WASHC4: variants seen among roughly 807,000 people sequenced by gnomAD.
WASHC4 encodes the protein WASH complex subunit 7.
In WASHC4, 86 loss-of-function variants were observed where a neutral mutation model predicts 166.6. The observed-to-expected ratio is 0.52, with a 90% CI of 0.43 to 0.62. The LOEUF is 0.62. Ranked by LOEUF, WASHC4 falls within the 20% of genes least tolerant of loss-of-function variation. WASHC4 has a pLI of 0.00. For synonymous variants in WASHC4, 446 were observed against 451.6 expected (o/e 0.99, Z 0.16); for missense variants, 1,262 against 1,382.4 (o/e 0.91, Z 1.38).
chr12:105,143,790 A>C (rs1883061463), intron 20 of WASHC4, among the ~76,000 whole-genome samples: 1 of 152,020 alleles, frequency 6.6e-6, no homozygotes, highest in Non-Finnish European at 1.5e-5. Context: ...ATTTCACAAT[A>C]TAATCCTACC....
intron 1 of WASHC4, among the ~76,000 whole-genome samples, chr12:105,110,254 C>T (rs1879539616): frequency 6.6e-6 from 1 of 152,196 alleles, no homozygotes; most frequent in Admixed American, 6.5e-5. Context: ...CACACTTTCT[C>T]TTACTTGCTT....
At chr12:105,131,318 C>T (rs1881799315) in intron 13 of WASHC4, among the ~76,000 whole-genome samples, 1 of 151,170 alleles carries the variant, frequency 6.6e-6, no homozygotes, top group Non-Finnish European at 1.5e-5. Flanking sequence ...GATCTCCTGA[C>T]CTCATGATCC....
At chr12:105,146,087 G>A (rs1485998344) in intron 22 of WASHC4, among the ~76,000 whole-genome samples, 1 of 152,146 alleles carries the variant, frequency 6.6e-6, no homozygotes, top group Non-Finnish European at 1.5e-5. Flanking sequence ...GAATGTCACA[G>A]CACATTCTGA....
chr12:105,107,931 G>A, intron 1 of WASHC4, 70 bp downstream of exon 1: 1 of 1,199,646 alleles, frequency 8.3e-7, no homozygotes, highest in Non-Finnish European at 1.2e-6. Flanking sequence ...GGGCTGGGCA[G>A]CGCTCCTGCG....
chr12:105,139,318 G>T (rs1290613070), intron 15 of WASHC4, among the ~76,000 whole-genome samples: 5 of 150,836 alleles, frequency 3.3e-5, no homozygotes, highest in Non-Finnish European at 5.9e-5. Context: ...TTTTTGTAAG[G>T]AATTATATAC....
At position 105,115,814 on chromosome 12, in the gene WASHC4, A is replaced by G. The variant is rs146206580; in HGVS notation, c.435+86A>G. 3.8e-4 allele frequency: 313 copies of G among 830,754 alleles called. 1 individual carries two copies. The African/African-American group carries it at 4.8e-3, about 13-fold the overall frequency. 51.5% of individuals were successfully genotyped at this position (830,754 alleles called of 1,614,324 possible). ...CACGTAAAAAGTTCTGAAACCTTCA[A>G]ATACTAAAGATGTGTACTCTGAGGA... On this transcript the variant is annotated intron_variant, in intron 6 of 32. Coordinates refer to ENST00000332180, the MANE Select transcript of WASHC4 (RefSeq NM_015275.3).
In WASHC4 at chr12:105,140,925, C is replaced by T; in HGVS notation, c.1587C>T (p.Tyr529=). Residue 529 remains tyrosine (Y), a synonymous_variant, in exon 17 of 33, where the codon TAC becomes TAT. Transcript: ENST00000332180. ...AAAGAGTGATTTCTGACAAAAAATACAGCGAACAGCGTCTTGATGTGCTCT... is the reference window on the plus strand; with the variant it reads ...AAAGAGTGATTTCTGACAAAAAATATAGCGAACAGCGTCTTGATGTGCTCT... ...AKKRVISDKK[Y]SEQRLDVLSA... is the part of the protein sequence containing the mutation. 6.2e-7 allele frequency: 1 copy of T among 1,613,984 alleles called. No individual in the cohort carries two copies. Among genetic ancestry groups the T allele is most frequent in the Non-Finnish European group, 8.5e-7 (1 of 1,179,942 alleles).
chr12:105,108,576 C>G (rs1248640427), intron 1 of WASHC4, among the ~76,000 whole-genome samples: 1 of 152,158 alleles, frequency 6.6e-6, no homozygotes, highest in African/African-American at 2.4e-5. Flanking sequence ...AGAAGTCTAT[C>G]CCGAAATAAA....
intron 9 of WASHC4, 54 bp downstream of exon 9, chr12:105,121,258 G>A (rs1880714385): frequency 3.5e-6 from 4 of 1,130,056 alleles, no homozygotes; most frequent in Non-Finnish European, 5.3e-6. Flanking sequence ...ATGTATTTGT[G>A]TTAGTAAAAA....
At position 105,164,241 on chromosome 12, in the gene WASHC4, C is replaced by G. The variant is rs143138958; in HGVS notation, c.3288C>G (p.Ala1096=). The G allele has an allele frequency of 4.8e-3, 7,770 of 1,614,010 alleles. 19 individuals are homozygous for G. Among genetic ancestry groups the G allele is most frequent in the Non-Finnish European group, 5.3e-3 (6,288 of 1,179,914 alleles). Residue 1096 remains alanine, a synonymous_variant, in exon 31 of 33, where the codon GCC becomes GCG. Transcript: ENST00000332180. ...AVAKQQNVQS[A]SQDEKLLQTM... is the part of the protein sequence containing the mutation. ...CTAAGCAACAGAATGTACAGTCAGC[C>G]AGTCAAGATGAAAAACTCTTACAAA...
At chr12:105,114,188 G>T (rs757952127) in intron 2 of WASHC4, 28 bp from the exon 3 acceptor site, 1 of 1,596,152 alleles carries the variant, frequency 6.3e-7, no homozygotes, top group South Asian at 1.1e-5. Flanking sequence ...CAAATTAAAA[G>T]AAATGTTCTT....
chr12:105,131,541 G>C (rs1881823084), intron 13 of WASHC4, among the ~76,000 whole-genome samples: 1 of 152,188 alleles, frequency 6.6e-6, no homozygotes, highest in Non-Finnish European at 1.5e-5. Context: ...CTTCTTCATA[G>C]TGTTATTGAC....
intron 1 of WASHC4, among the ~76,000 whole-genome samples, chr12:105,110,604 T>C (rs1401457708): frequency 6.6e-6 from 1 of 152,226 alleles, no homozygotes; most frequent in Non-Finnish European, 1.5e-5. Context: ...TTAGACATTA[T>C]AGAAATAATA....
At chr12:105,132,161 A>G (rs1445180255) in intron 13 of WASHC4, among the ~76,000 whole-genome samples, 1 of 152,056 alleles carries the variant, frequency 6.6e-6, no homozygotes, top group Non-Finnish European at 1.5e-5. Flanking sequence ...TTTGCATACT[A>G]AGTTTTTGTT....
At chr12:105,124,807 C>CA (rs1881124277) in intron 10 of WASHC4, among the ~76,000 whole-genome samples, 1 of 152,122 alleles carries the variant, frequency 6.6e-6, no homozygotes, top group Non-Finnish European at 1.5e-5. Flanking sequence ...CAACCCTTAA[C>CA]AAGTCTGTTT....
chr12:105,139,301 G>A (rs1324271426), intron 15 of WASHC4, among the ~76,000 whole-genome samples: 4 of 151,402 alleles, frequency 2.6e-5, no homozygotes, highest in Non-Finnish European at 5.9e-5. Flanking sequence ...GTGTACTTGT[G>A]CAGGAGTTTT....
At chr12:105,129,693 A>G (rs1460610078) in intron 13 of WASHC4, among the ~76,000 whole-genome samples, 1 of 152,198 alleles carries the variant, frequency 6.6e-6, no homozygotes, top group African/African-American at 2.4e-5. Context: ...TAAAAGAGAA[A>G]TCTGTGGAAT....
chr12:105,115,586 T>A, intron 5 of WASHC4, 75 bp from the exon 6 acceptor site: 1 of 1,108,042 alleles, frequency 9.0e-7, no homozygotes, highest in Non-Finnish European at 1.4e-6. Context: ...AAAAAAAAAC[T>A]TTTCCCCCTT....
At chr12:105,137,634 T>G (rs533319413) in intron 14 of WASHC4, among the ~76,000 whole-genome samples, 1 of 152,310 alleles carries the variant, frequency 6.6e-6, no homozygotes, top group South Asian at 2.1e-4. Context: ...AATTATACAC[T>G]ATTATTTTGA....
Sources: allele counts gnomAD v4.1 joint callset (sites outside exome capture counted in the v4.1 genomes callset), GRCh38; gene constraint gnomAD v4.1.1; transcripts MANE v1.5; gene names NCBI Gene and HGNC (gene_info 2026-07-23, HGNC 2026-07-21).